The following TPGS1 variants were observed in gnomAD, a reference collection of about 807,000 sequenced individuals.
TPGS1 encodes tubulin polyglutamylase complex subunit 1.
A neutral mutation model predicts 11.9 loss-of-function variants in TPGS1; 18 were observed. The ratio of observed to expected loss-of-function variants is 1.51; its 90% CI spans 1.04 to 2.24. The LOEUF is 2.24. TPGS1 is among the 30% of genes most tolerant of loss of function. The probability of loss-of-function intolerance (pLI) is 0.00; values close to 1 mark genes in which losing one functional copy is unlikely to be tolerated. For missense variants in TPGS1, 500 were observed against 443.0 expected, an observed-to-expected ratio of 1.13 and a Z score of -1.16; for synonymous variants, 247 against 218.2, an observed-to-expected ratio of 1.13 and a Z score of -1.16.
Position 519,355 on chromosome 19 carries a change from A to G in TPGS1, c.805A>G (p.Met269Val), listed in dbSNP as rs1173113675. The G allele has an allele frequency of 5.0e-6, 6 of 1,209,232 alleles. No individual in the cohort carries two copies. Among genetic ancestry groups the G allele is most frequent in the Non-Finnish European group, 6.2e-6 (6 of 973,028 alleles). 74.9% of individuals were successfully genotyped at this position (1,209,232 alleles called of 1,614,324 possible). A position where few individuals can be genotyped will look rare whatever the true frequency, so the allele number is the denominator to read the frequency against. The change falls in exon 2 of 2, where the codon ATG (methionine) becomes GTG (valine). Residue 269 changes from methionine to valine, a missense_variant. Physicochemically the swap from Met to Val is conservative, Grantham distance 21 (BLOSUM62 1). Transcript: ENST00000359315. ...CGGGGGGCGGCGGCCCAGCGCGCCC[A>G]TGACCCGCGAGGAGTTTCTGGAGAG... Reference protein sequence around the residue: ...AVGGRRPSAPMTREEFLERAA... With the variant: ...AVGGRRPSAPVTREEFLERAA...
intron 1 of TPGS1, among the ~76,000 whole-genome samples, chr19:517,099 C>T (rs1209409482): frequency 1.3e-5 from 2 of 151,812 alleles, no homozygotes; most frequent in Non-Finnish European, 2.9e-5. Context: ...AACTTCCGGC[C>T]CTGGAGGGCA....
Position 519,429 on chromosome 19 carries a change from G to T in TPGS1, c.*6G>T. 1 of 1,209,950 alleles carries T rather than the reference G, an allele frequency of 8.3e-7. No homozygotes were observed. The highest frequency in any genetic ancestry group is 1.0e-6 in the Non-Finnish European group (1 of 972,614). 75.0% of individuals were successfully genotyped at this position (1,209,950 alleles called of 1,614,324 possible). On this transcript the variant is annotated 3_prime_UTR_variant, in exon 2 of 2. Coordinates refer to ENST00000359315, the MANE Select transcript of TPGS1 (RefSeq NM_033513.3). ...AGGTCAAGCCGGTGGGCTGAGGCCC[G>T]TGGGCCGCGCGGATCCGGGATCTGC...
chr19:515,829 G>A (rs1233559024), intron 1 of TPGS1, among the ~76,000 whole-genome samples: 1 of 151,650 alleles, frequency 6.6e-6, no homozygotes, highest in Non-Finnish European at 1.5e-5. Context: ...TCAGGAGATC[G>A]AGACCATCCC....
Position 507,831 on chromosome 19 carries a change from C to T in TPGS1, c.325C>T (p.His109Tyr). 1 of 1,346,588 alleles carries T rather than the reference C, an allele frequency of 7.4e-7. No individual in the cohort carries two copies. The highest frequency in any genetic ancestry group is 1.8e-5 in the South Asian group (1 of 55,792). The allele number at this position is 1,346,588 out of a possible 1,614,324, so 83.4% of individuals were successfully genotyped here. A position where few individuals can be genotyped will look rare whatever the true frequency, so the allele number is the denominator to read the frequency against. The change falls in exon 1 of 2, where the codon CAC becomes TAC. Residue 109 changes from histidine (H) to tyrosine (Y), a missense_variant. Physicochemically the swap from His to Tyr is moderately conservative, Grantham distance 83 (BLOSUM62 2). Transcript: ENST00000359315. ...CGCGCTATGGCACCTTCGCCTGGCC[C>T]ACCACTCCCAGAGGTGCGCAGTGGG... ...GRALWHLRLA[H>Y]HSQRAAFNNN...
Position 519,030 on chromosome 19 carries a change from G to A in TPGS1, c.480G>A (p.Val160=). The part of the protein sequence containing the change: ...ICRDGQAPEE[V]VAPLLRKVQC... The stretch of plus-strand genomic sequence containing the variant: ...GGGACGGCCAAGCCCCCGAGGAGGT[G>A]GTGGCGCCGCTGCTGCGCAAGGTGC... The change falls in exon 2 of 2, where the codon GTG becomes GTA. Residue 160 remains valine, a synonymous_variant. Transcript: ENST00000359315. The A allele has an allele frequency of 6.4e-7, 1 of 1,556,902 alleles. No individual in the cohort carries two copies. The highest frequency in any genetic ancestry group is 1.4e-5 in the African/African-American group (1 of 73,882).
chr19:519,123 G>A lies in TPGS1; in HGVS notation c.573G>A (p.Leu191=), dbSNP rs1325025539. The A allele has an allele frequency of 1.3e-6, 2 of 1,524,608 alleles. No individual in the cohort carries two copies. Among genetic ancestry groups the A allele is most frequent in the South Asian group, 1.2e-5 (1 of 82,574 alleles). 94.4% of individuals were successfully genotyped at this position (1,524,608 alleles called of 1,614,324 possible). Residue 191 remains leucine (L), a synonymous_variant, in exon 2 of 2, where the codon CTG becomes CTA. Transcript: ENST00000359315. ...FRAGTLTCFV[L]LEFVARAGAL... ...CGGGCACACTCACCTGCTTCGTGCT[G>A]CTGGAGTTCGTGGCGCGCGCCGGCG...
intron 1 of TPGS1, among the ~76,000 whole-genome samples, chr19:513,406 C>T (rs1978858551): frequency 6.6e-6 from 1 of 152,168 alleles, no homozygotes; most frequent in Non-Finnish European, 1.5e-5. Flanking sequence ...GCCTCTGGGC[C>T]TCAGTTTCCT....
chr19:515,382 C>T (rs2145833913), intron 1 of TPGS1, among the ~76,000 whole-genome samples: 1 of 139,744 alleles, frequency 7.2e-6, no homozygotes, highest in South Asian at 2.3e-4. Context: ...GCCTGCACAA[C>T]ACAGTGAGAC....
At position 507,753 on chromosome 19, in the gene TPGS1, G is replaced by A; in HGVS notation, c.247G>A (p.Gly83Ser). 1 of 1,397,678 alleles carries A rather than the reference G, an allele frequency of 7.2e-7. No homozygotes were observed. The highest frequency in any genetic ancestry group is 9.3e-7 in the Non-Finnish European group (1 of 1,076,696). The allele number at this position is 1,397,678 out of a possible 1,614,324, so 86.6% of individuals were successfully genotyped here. Reference sequence around the variant, plus strand: ...GGGCCTGCGCTCGCCTGTAAACGGCGGCGCCGGGGAGCCCCCGGGCCAGCT... The same window carrying A: ...GGGCCTGCGCTCGCCTGTAAACGGCAGCGCCGGGGAGCCCCCGGGCCAGCT... ...NMGLRSPVNG[G>S]AGEPPGQLLL... The change falls in exon 1 of 2, where the codon GGC becomes AGC. Residue 83 changes from glycine to serine, a missense_variant. Coordinates refer to ENST00000359315, the MANE Select transcript of TPGS1 (RefSeq NM_033513.3).
intron 1 of TPGS1, among the ~76,000 whole-genome samples, chr19:516,069 G>GA (rs1397123544): frequency 6.6e-6 from 1 of 151,260 alleles, no homozygotes; most frequent in African/African-American, 2.4e-5. Context: ...AGAAAGAAAA[G>GA]AAAAAAACAA....
rs1393412292 is a variant in TPGS1, at chr19:519,138, G to C, written c.588G>C (p.Ala196=). The C allele has an allele frequency of 1.3e-6, 2 of 1,515,016 alleles. No individual in the cohort carries two copies. Among genetic ancestry groups the C allele is most frequent in the Non-Finnish European group, 1.8e-6 (2 of 1,139,196 alleles). The allele number at this position is 1,515,016 out of a possible 1,614,324, so 93.8% of individuals were successfully genotyped here. ...GCTTCGTGCTGCTGGAGTTCGTGGC[G>C]CGCGCCGGCGCGCTCTTCCAGCTGC... is the stretch of plus-strand genomic sequence containing the variant. ...LTCFVLLEFV[A]RAGALFQLLE... The change falls in exon 2 of 2, where the codon GCG becomes GCC. Residue 196 remains alanine (A), a synonymous_variant. Coordinates refer to ENST00000359315, the MANE Select transcript of TPGS1 (RefSeq NM_033513.3).
intron 1 of TPGS1, among the ~76,000 whole-genome samples, chr19:511,076 C>T (rs1183038349): frequency 2.6e-5 from 4 of 152,274 alleles, no homozygotes; most frequent in Admixed American, 1.3e-4. Flanking sequence ...AATGCTCACA[C>T]GCCTTACAAA....
intron 1 of TPGS1, among the ~76,000 whole-genome samples, chr19:510,931 G>GT (rs1978777060): frequency 6.6e-6 from 1 of 152,250 alleles, no homozygotes; most frequent in Non-Finnish European, 1.5e-5. Flanking sequence ...TCCCCGAGTC[G>GT]TGACAACCAC....
intron 1 of TPGS1, chr19:508,070 G>A: frequency 2.5e-6 from 1 of 396,514 alleles, no homozygotes; most frequent in Non-Finnish European, 4.4e-6. Context: ...AGTCCTTCTG[G>A]CCGGCTTCGC....
intron 1 of TPGS1, among the ~76,000 whole-genome samples, chr19:516,147 AG>A (rs1978948345): frequency 6.6e-6 from 1 of 151,956 alleles, no homozygotes; most frequent in Non-Finnish European, 1.5e-5. Context: ...TGCTGCAGGG[AG>A]GGAGACCAGA....
In TPGS1 at chr19:518,925, G is replaced by A. The variant is rs768625621; in HGVS notation, c.375G>A (p.Glu125=). The A allele has an allele frequency of 2.5e-6, 4 of 1,577,186 alleles. No homozygotes were observed. The Admixed American group carries it at 7.0e-5, about 27-fold the overall frequency. ...ACAACAACGTGAGCGTGGCCTACGA[G>A]TGCCTGAGCGCCGGCGGGCGCAGGA... ...AFNNNVSVAY[E]CLSAGGRRKR... Residue 125 remains glutamate, a synonymous_variant, in exon 2 of 2, where the codon GAG becomes GAA. Transcript: ENST00000359315.
chr19:517,006 T>C (rs1222116186), intron 1 of TPGS1, among the ~76,000 whole-genome samples: 1 of 143,902 alleles, frequency 6.9e-6, no homozygotes, highest in Admixed American at 6.7e-5. Flanking sequence ...CCCAGACAGA[T>C]GCCTGCCGTT....
At chr19:510,668 G>A (rs191720029) in intron 1 of TPGS1, among the ~76,000 whole-genome samples, 3 of 152,346 alleles carry the variant, frequency 2.0e-5, no homozygotes, top group East Asian at 3.9e-4. Flanking sequence ...AAGGCCACAC[G>A]GCCACCGAGG....
Position 519,019 on chromosome 19 carries a change from C to A in TPGS1, c.469C>A (p.Pro157Thr). ...GCGCATCTGCCGGGACGGCCAAGCC[C>A]CCGAGGAGGTGGTGGCGCCGCTGCT... Reference protein sequence around the residue: ...LRRICRDGQAPEEVVAPLLRK... With the variant: ...LRRICRDGQATEEVVAPLLRK... The change falls in exon 2 of 2, where the codon CCC (proline) becomes ACC (threonine). Residue 157 changes from proline (P) to threonine (T), a missense_variant. Transcript: ENST00000359315. 3 of 1,562,642 alleles carry A rather than the reference C, an allele frequency of 1.9e-6. No homozygotes were observed. The highest frequency in any genetic ancestry group is 1.7e-6 in the Non-Finnish European group (2 of 1,161,038).
Sources: gnomAD v4.1 joint callset for allele counts (sites outside exome capture counted in the v4.1 genomes callset) on GRCh38, gnomAD v4.1.1 for gene constraint, MANE v1.5 for transcripts, NCBI Gene and HGNC (gene_info 2026-07-23, HGNC 2026-07-21) for gene names.